Variants in LAMB1 observed in about 807,000 individuals in gnomAD.
The protein encoded by LAMB1 is laminin subunit beta-1.
LAMB1 carries 121 observed loss-of-function variants against 222.3 expected under a neutral mutation model. That is an observed-to-expected ratio of 0.54 (90% confidence interval 0.47 to 0.63). The LOEUF is 0.63. Among genes scored for constraint, LAMB1 ranks in the 30% least tolerant of loss-of-function variants. LAMB1 has a pLI of 0.00. For synonymous variants in LAMB1, 794 were observed against 807.2 expected (o/e 0.98, Z 0.28); for missense variants, 2,172 against 2,240.8 (o/e 0.97, Z 0.62).
rs772125422 is a variant in LAMB1, at chr7:107,994,977, AAAAAT to A, written c.350-22_350-18del. 1 of 1,429,024 alleles carries A rather than the reference AAAAAT, an allele frequency of 7.0e-7. No individual in the cohort carries two copies. Among genetic ancestry groups the A allele is most frequent in the Admixed American group, 1.8e-5 (1 of 56,152 alleles). The allele number at this position is 1,429,024 out of a possible 1,614,324, so 88.5% of individuals were successfully genotyped here. On this transcript the variant is annotated intron_variant, in intron 4 of 33. Transcript: ENST00000222399. ...TTTCCACACCTACAGGAGATTTAAA[AAAAAT>A]AAAACAATAAATGAAACTGTAAATA...
At chr7:107,945,283 A>T (rs1326013650) in intron 24 of LAMB1, among the ~76,000 whole-genome samples, 1 of 152,238 alleles carries the variant, frequency 6.6e-6, no homozygotes, top group Non-Finnish European at 1.5e-5. Flanking sequence ...AGAGGAAAAC[A>T]CTAGCAAGTC....
intron 5 of LAMB1, among the ~76,000 whole-genome samples, chr7:107,989,622 C>T (rs539296876): frequency 6.6e-6 from 1 of 152,260 alleles, no homozygotes; most frequent in African/African-American, 2.4e-5. Context: ...GAATATCAGC[C>T]TAAGAATTTT....
intron 5 of LAMB1, among the ~76,000 whole-genome samples, chr7:107,992,625 G>A (rs141847065): frequency 2.2e-4 from 34 of 152,200 alleles, no homozygotes; most frequent in African/African-American, 5.3e-4. Flanking sequence ...GGCCAGGCGC[G>A]GTAGGCACGC....
Position 107,959,364 on chromosome 7 carries a change from A to G in LAMB1, c.2575T>C (p.Trp859Arg). 6.2e-7 allele frequency: 1 copy of G among 1,614,254 alleles called. No homozygotes were observed. The highest frequency in any genetic ancestry group is 8.5e-7 in the Non-Finnish European group (1 of 1,180,038). Residue 859 changes from tryptophan (W) to arginine (R), a missense_variant, in exon 20 of 34, where the codon TGG becomes CGG. By Grantham distance (101) the Trp-to-Arg change is moderately radical. Transcript: ENST00000222399. Reference protein sequence around the residue: ...RQCDRCLPGHWGFPSCQPCQC... With the variant: ...RQCDRCLPGHRGFPSCQPCQC... Reference sequence around the variant, plus strand: ...CAGGGCTGGCAACTTGGAAAGCCCCAGTGCCCAGGTAAGCACCGATCACAC... The same window carrying G: ...CAGGGCTGGCAACTTGGAAAGCCCCGGTGCCCAGGTAAGCACCGATCACAC...
intron 7 of LAMB1, among the ~76,000 whole-genome samples, chr7:107,984,058 G>T (rs769941339): frequency 6.6e-6 from 1 of 152,078 alleles, no homozygotes; most frequent in Non-Finnish European, 1.5e-5. Context: ...ATTGAGAATG[G>T]CAGAGACTTC....
At chr7:107,984,351 C>T (rs369643306) in intron 7 of LAMB1, among the ~76,000 whole-genome samples, 2 of 152,222 alleles carry the variant, frequency 1.3e-5, no homozygotes, top group East Asian at 1.9e-4. Context: ...TGGGTTCAAG[C>T]GATTCTCCTG....
chr7:107,962,931 C>T lies in LAMB1; in HGVS notation c.1831G>A (p.Asp611Asn), dbSNP rs146589212. The change falls in exon 15 of 34, where the codon GAC (aspartate) becomes AAC (asparagine). Residue 611 changes from aspartate (D) to asparagine (N), a missense_variant. Coordinates refer to ENST00000222399, the MANE Select transcript of LAMB1 (RefSeq NM_002291.3). ...TGTGGCTCGTAGCGAATTAGGATGT[C>T]GTACTCCATGGAATATGGTATGTTG... is the stretch of plus-strand genomic sequence containing the variant. ...IDNIPYSMEY[D>N]ILIRYEPQLP... 53 of 1,613,554 alleles carry T rather than the reference C, an allele frequency of 3.3e-5. No individual in the cohort carries two copies. Among genetic ancestry groups the T allele is most frequent in the Non-Finnish European group, 3.9e-5 (46 of 1,179,872 alleles).
rs555928293 is a variant in LAMB1, at chr7:107,969,842, T to C, written c.1562+3150A>G. Among the ~76,000 whole-genome samples, 7 of 152,266 alleles carry C rather than the reference T, an allele frequency of 4.6e-5. No individual in the cohort carries two copies. In the South Asian group the frequency reaches 1.5e-3, roughly 32 times the overall value. ...GAAAAGCTACAGTAAAAATACAGTA[T>C]CTTATGGGACCACCGTTGTATGTGT... On this transcript the variant is annotated intron_variant, in intron 13 of 33. Coordinates refer to ENST00000222399, the MANE Select transcript of LAMB1 (RefSeq NM_002291.3).
chr7:107,971,340 C>T (rs560990580), intron 13 of LAMB1, among the ~76,000 whole-genome samples: 27 of 152,216 alleles, frequency 1.8e-4, no homozygotes, highest in South Asian at 6.2e-4. Flanking sequence ...TCTTTTACTA[C>T]GTAAAAAGAA....
At chr7:107,976,806 T>C (rs1369568055) in intron 9 of LAMB1, among the ~76,000 whole-genome samples, 2 of 152,092 alleles carry the variant, frequency 1.3e-5, no homozygotes, top group African/African-American at 4.8e-5. Context: ...CCCTCCCATC[T>C]TCCTTCCTCT....
intron 27 of LAMB1, among the ~76,000 whole-genome samples, chr7:107,933,192 C>CT (rs1480094428): frequency 1.3e-5 from 2 of 152,086 alleles, no homozygotes; most frequent in Non-Finnish European, 2.9e-5. Context: ...TACAAGTGTG[C>CT]TATATGATAG....
chr7:107,993,720 G>A (rs184587336), intron 5 of LAMB1, among the ~76,000 whole-genome samples: 35 of 152,340 alleles, frequency 2.3e-4, no homozygotes, highest in Non-Finnish European at 4.0e-4. Flanking sequence ...GTAGGCCGAT[G>A]AGCATCAGTT....
intron 5 of LAMB1, among the ~76,000 whole-genome samples, chr7:107,989,497 G>A (rs1313216956): frequency 6.6e-6 from 1 of 152,170 alleles, no homozygotes; most frequent in Non-Finnish European, 1.5e-5. Flanking sequence ...TCAAGGATAA[G>A]AACATGGACA....
chr7:107,941,322 T>A (rs928700587), intron 24 of LAMB1, among the ~76,000 whole-genome samples: 2 of 152,184 alleles, frequency 1.3e-5, no homozygotes, highest in Non-Finnish European at 2.9e-5. Flanking sequence ...TTATACAGGG[T>A]TTGAATTACG....
intron 5 of LAMB1, among the ~76,000 whole-genome samples, chr7:107,990,547 AT>A (rs143855693): frequency 0.052 from 7,829 of 151,670 alleles, 679 homozygotes; most frequent in African/African-American, 0.18. Context: ...TGACTAACTA[AT>A]TTTTTTTTAA....
intron 13 of LAMB1, among the ~76,000 whole-genome samples, chr7:107,970,630 T>C (rs959896042): frequency 6.6e-6 from 1 of 152,182 alleles, no homozygotes; most frequent in Admixed American, 6.5e-5. Flanking sequence ...AGCATTTACC[T>C]AGCAACCAAT....
rs1468692635 is a variant in LAMB1, at chr7:107,960,613, A to G, written c.2146T>C (p.Phe716Leu). 1 of 1,614,136 alleles carries G rather than the reference A, an allele frequency of 6.2e-7. No individual in the cohort carries two copies. Among genetic ancestry groups the G allele is most frequent in the Non-Finnish European group, 8.5e-7 (1 of 1,180,034 alleles). ...LMPYCKSLDI[F>L]TVGGSGDGVV... ...CCATCTCCTGAACCTCCCACGGTGA[A>G]GATGTCCAGTGATTTACAGTATGGC... is the stretch of plus-strand genomic sequence containing the variant. Residue 716 changes from phenylalanine to leucine, a missense_variant, in exon 18 of 34, where the codon TTC becomes CTC. Physicochemically the swap from Phe to Leu is conservative, Grantham distance 22. Transcript: ENST00000222399.
intron 14 of LAMB1, among the ~76,000 whole-genome samples, chr7:107,963,638 C>T (rs890102658): frequency 6.6e-6 from 1 of 152,086 alleles, no homozygotes; most frequent in Admixed American, 6.6e-5. Flanking sequence ...CTGTATGTAC[C>T]CGTGTGTGGC....
intron 20 of LAMB1, among the ~76,000 whole-genome samples, chr7:107,958,059 TTC>T (rs1368428144): frequency 1.3e-5 from 2 of 152,328 alleles, no homozygotes; most frequent in South Asian, 4.1e-4. Context: ...TGCTGTTTGC[TTC>T]TGTTCCCCCT....
Sources: gnomAD v4.1 joint callset for allele counts (sites outside exome capture counted in the v4.1 genomes callset) on GRCh38, gnomAD v4.1.1 for gene constraint, MANE v1.5 for transcripts, NCBI Gene and HGNC (gene_info 2026-07-23, HGNC 2026-07-21) for gene names.